Variants in TRIM71 observed in about 807,000 individuals in gnomAD.
TRIM71 encodes the protein tripartite motif containing 71.
TRIM71 carries 9 observed loss-of-function variants against 61.2 expected under a neutral mutation model. That is an observed-to-expected ratio of 0.15 (90% CI 0.09 to 0.26). The LOEUF is 0.26. Among genes scored for constraint, TRIM71 ranks in the 10% least tolerant of loss-of-function variants. The probability of loss-of-function intolerance (pLI) is 1.00; values close to 1 mark genes in which losing one functional copy is unlikely to be tolerated. For synonymous variants in TRIM71, 645 were observed against 553.2 expected (o/e 1.17, Z -2.33); for missense variants, 998 against 1,238.7 (o/e 0.81, Z 2.92).
intron 1 of TRIM71, among the ~76,000 whole-genome samples, chr3:32,856,705 T>C (rs887708826): frequency 2.0e-5 from 3 of 152,208 alleles, no homozygotes; most frequent in African/African-American, 7.2e-5. Flanking sequence ...CTCAACGTTC[T>C]TTTCAACGAG....
chr3:32,863,194 C>CTTTTTTT (rs1559545534), intron 1 of TRIM71, among the ~76,000 whole-genome samples: 4 of 117,662 alleles, frequency 3.4e-5, no homozygotes, highest in Admixed American at 2.0e-4. Context: ...ATTAATTGAA[C>CTTTTTTT]CTTTTTTTTT....
chr3:32,850,308 G>T (rs1035684386), intron 1 of TRIM71, among the ~76,000 whole-genome samples: 2 of 152,088 alleles, frequency 1.3e-5, no homozygotes, highest in African/African-American at 4.8e-5. Flanking sequence ...CATTAGGGAG[G>T]GTGAAAAGCT....
At chr3:32,872,160 CAAAT>C (rs148745531) in intron 1 of TRIM71, among the ~76,000 whole-genome samples, 1,740 of 152,164 alleles carry the variant, frequency 0.011, 24 homozygotes, top group African/African-American at 0.039. Flanking sequence ...CAAAAACAAA[CAAAT>C]AAAGTAGGAT....
intron 1 of TRIM71, among the ~76,000 whole-genome samples, chr3:32,870,944 A>G (rs1696788946): frequency 6.6e-6 from 1 of 150,450 alleles, no homozygotes; most frequent in African/African-American, 2.5e-5. Context: ...TCCTGAGTAC[A>G]AGCGTGAGCC....
intron 2 of TRIM71, among the ~76,000 whole-genome samples, chr3:32,883,663 G>C (rs1228832708): frequency 6.6e-6 from 1 of 152,202 alleles, no homozygotes; most frequent in Non-Finnish European, 1.5e-5. Context: ...CCCACATTTA[G>C]TTGAGCCTGA....
At chr3:32,854,358 G>A (rs1197172006) in intron 1 of TRIM71, among the ~76,000 whole-genome samples, 1 of 152,180 alleles carries the variant, frequency 6.6e-6, no homozygotes, top group Admixed American at 6.5e-5. Context: ...TTTCTGGAGA[G>A]ACACCTCATT....
chr3:32,829,426 G>A (rs1159141830), intron 1 of TRIM71, among the ~76,000 whole-genome samples: 1 of 151,950 alleles, frequency 6.6e-6, no homozygotes, highest in Non-Finnish European at 1.5e-5. Context: ...CAGGTGATCT[G>A]CCTGTCTCCC....
chr3:32,833,887 A>G (rs963786497), intron 1 of TRIM71, among the ~76,000 whole-genome samples: 31 of 152,174 alleles, frequency 2.0e-4, no homozygotes, highest in South Asian at 1.0e-3. Context: ...ACCATTGGGG[A>G]AAAAAATGGG....
chr3:32,822,946 A>AT (rs1009065835), intron 1 of TRIM71, among the ~76,000 whole-genome samples: 1 of 151,940 alleles, frequency 6.6e-6, no homozygotes, highest in African/African-American at 2.4e-5. Flanking sequence ...TTTAAAAAAA[A>AT]TTTTTTTAAA....
At chr3:32,828,106 T>A (rs1696224893) in intron 1 of TRIM71, among the ~76,000 whole-genome samples, 1 of 152,166 alleles carries the variant, frequency 6.6e-6, no homozygotes, top group African/African-American at 2.4e-5. Flanking sequence ...TATTACCATG[T>A]ATTGGACACT....
chr3:32,837,771 A>C (rs1575344327), intron 1 of TRIM71, among the ~76,000 whole-genome samples: 1 of 151,934 alleles, frequency 6.6e-6, no homozygotes, highest in Admixed American at 6.6e-5. Flanking sequence ...ATACCACTGC[A>C]CTCCAGCCTG....
intron 1 of TRIM71, among the ~76,000 whole-genome samples, chr3:32,821,906 C>T (rs1696139151): frequency 6.6e-6 from 1 of 152,068 alleles, no homozygotes; most frequent in East Asian, 1.9e-4. Flanking sequence ...CAGGCACCCG[C>T]TGGGGTATTC....
intron 1 of TRIM71, among the ~76,000 whole-genome samples, chr3:32,864,747 A>C (rs1440135824): frequency 6.6e-6 from 1 of 152,158 alleles, no homozygotes; most frequent in African/African-American, 2.4e-5. Context: ...AGGCATAGCT[A>C]CATTCCCCAG....
chr3:32,874,033 C>G (rs941595914), intron 2 of TRIM71, 48 bp downstream of exon 2: 2 of 1,541,514 alleles, frequency 1.3e-6, no homozygotes, highest in African/African-American at 1.4e-5. Flanking sequence ...TCGAGCCCCC[C>G]TTTCTGTCGG....
chr3:32,875,908 A>G (rs973310414), intron 2 of TRIM71, among the ~76,000 whole-genome samples: 2 of 152,220 alleles, frequency 1.3e-5, no homozygotes, highest in African/African-American at 4.8e-5. Context: ...ATTTGATTTA[A>G]TAAGTTTCTC....
Position 32,891,506 on chromosome 3 carries a change from A to C in TRIM71, c.2302A>C (p.Asn768His), listed in dbSNP as rs1223014658. Residue 768 changes from asparagine (N) to histidine (H), a missense_variant, in exon 4 of 4, where the codon AAC becomes CAC. By Grantham distance (68) the Asn-to-His change is moderately conservative. Coordinates refer to ENST00000383763, the MANE Select transcript of TRIM71 (RefSeq NM_001039111.3). This position sits in a 1 kb window ranked among gnomAD's most constrained non-coding sequence, Gnocchi z 8.2. ...CCACTTGGTGGTCACTGACTTCAAC[A>C]ACCACCGGCTCCTGGTTATTCACCC... ...EGHLVVTDFN[N>H]HRLLVIHPDC... 2 of 1,613,280 alleles carry C rather than the reference A, an allele frequency of 1.2e-6. No homozygotes were observed. Among genetic ancestry groups the C allele is most frequent in the African/African-American group, 1.3e-5 (1 of 74,836 alleles).
At chr3:32,851,987 A>G (rs1270451298) in intron 1 of TRIM71, among the ~76,000 whole-genome samples, 2 of 152,160 alleles carry the variant, frequency 1.3e-5, no homozygotes, top group East Asian at 3.9e-4. Flanking sequence ...TTTTCTGTTC[A>G]CTTCCCACTT....
chr3:32,820,293 C>T (rs553470245), intron 1 of TRIM71, among the ~76,000 whole-genome samples: 28 of 152,338 alleles, frequency 1.8e-4, no homozygotes, highest in African/African-American at 4.3e-4. Context: ...GAGCTATTGC[C>T]TGATGGCCTT....
At chr3:32,862,649 T>C (rs915243574) in intron 1 of TRIM71, among the ~76,000 whole-genome samples, 14 of 152,376 alleles carry the variant, frequency 9.2e-5, no homozygotes, top group African/African-American at 3.1e-4. Context: ...AACTTGTGTG[T>C]CTACGTCCAA....
Sources: allele counts gnomAD v4.1 joint callset (sites outside exome capture counted in the v4.1 genomes callset), GRCh38; gene constraint gnomAD v4.1.1; non-coding constraint Gnocchi (gnomAD v3.1); transcripts MANE v1.5; gene names NCBI Gene and HGNC (gene_info 2026-07-23, HGNC 2026-07-21).